The following MIIP variants were observed in gnomAD, a reference collection of about 807,000 sequenced individuals.
MIIP encodes migration and invasion-inhibitory protein.
A neutral mutation model predicts 44.8 loss-of-function variants in MIIP; 44 were observed. The ratio of observed to expected loss-of-function variants is 0.98; its 90% CI spans 0.77 to 1.26. The LOEUF (loss-of-function observed/expected upper bound fraction) is 1.26, where lower values mean the gene tolerates loss of function less well. MIIP is among the 50% of genes most tolerant of loss of function. The probability of loss-of-function intolerance (pLI) is 0.00; values close to 1 mark genes in which losing one functional copy is unlikely to be tolerated. For synonymous variants in MIIP, 225 were observed against 218.3 expected (o/e 1.03, Z -0.27); for missense variants, 496 against 511.7 (o/e 0.97, Z 0.30).
chr1:12,019,633 G>C (rs1014478393), intron 1 of MIIP, 81 bp downstream of exon 1: 2 of 152,348 alleles, frequency 1.3e-5, no homozygotes, highest in African/African-American at 2.4e-5. Context: ...AGGGGCTCGG[G>C]GGCCGCAGTG....
intron 8 of MIIP, among the ~76,000 whole-genome samples, chr1:12,030,731 C>T (rs1386848534): frequency 3.4e-5 from 5 of 148,326 alleles, no homozygotes; most frequent in African/African-American, 7.5e-5. Flanking sequence ...GCTGAGATCT[C>T]GCCACTGCAC....
In MIIP at chr1:12,031,296, C is replaced by A; in HGVS notation, c.973C>A (p.Pro325Thr). 1.2e-6 allele frequency: 2 copies of A among 1,613,956 alleles called. No individual in the cohort carries two copies. Among genetic ancestry groups the A allele is most frequent in the Non-Finnish European group, 1.7e-6 (2 of 1,179,900 alleles). The change falls in exon 9 of 10, where the codon CCG (proline) becomes ACG (threonine). Residue 325 changes from proline to threonine, a missense_variant. Physicochemically the swap from Pro to Thr is conservative, Grantham distance 38 (BLOSUM62 -1). Coordinates refer to ENST00000235332, the MANE Select transcript of MIIP (RefSeq NM_021933.4). ...CCTGCTGGGCTGGGACATTTTTCCT[C>A]CGAAGTCTGAGAAAAGCTCAGCCCC... Reference protein sequence around the residue: ...HCLLGWDIFPPKSEKSSAPRN... With the variant: ...HCLLGWDIFPTKSEKSSAPRN...
chr1:12,020,714 C>T (rs1639953419), intron 1 of MIIP, among the ~76,000 whole-genome samples: 1 of 151,936 alleles, frequency 6.6e-6, no homozygotes, highest in Admixed American at 6.6e-5. Context: ...GACGGAGTCT[C>T]ACCCTGTCGC....
At chr1:12,025,786 C>T (rs1476343739) in intron 4 of MIIP, among the ~76,000 whole-genome samples, 3 of 152,126 alleles carry the variant, frequency 2.0e-5, no homozygotes, top group South Asian at 2.1e-4. Flanking sequence ...TTGCAACCTC[C>T]GCTTCCTTGG....
intron 4 of MIIP, among the ~76,000 whole-genome samples, chr1:12,025,787 G>A (rs547377923): frequency 3.1e-4 from 47 of 152,088 alleles, no homozygotes; most frequent in African/African-American, 1.1e-3. Flanking sequence ...TGCAACCTCC[G>A]CTTCCTTGGT....
Position 12,030,117 on chromosome 1 carries a change from T to C in MIIP, c.935T>C (p.Leu312Pro), listed in dbSNP as rs1255584261. 1.2e-6 allele frequency: 2 copies of C among 1,612,408 alleles called. No homozygotes were observed. Among genetic ancestry groups the C allele is most frequent in the Non-Finnish European group, 1.7e-6 (2 of 1,179,904 alleles). Reference sequence around the variant, plus strand: ...TTTGACGCCTCTGACACACTGGCCCTGCCCCGGGTGAGCAGCCACGTGGGG... The same window carrying C: ...TTTGACGCCTCTGACACACTGGCCCCGCCCCGGGTGAGCAGCCACGTGGGG... ...KSFDASDTLA[L>P]PRHCLLGWDI... The change falls in exon 8 of 10, where the codon CTG becomes CCG. Residue 312 changes from leucine (L) to proline (P), a missense_variant. Transcript: ENST00000235332.
At chr1:12,023,381 C>CTTAT (rs71568382) in intron 4 of MIIP, among the ~76,000 whole-genome samples, 23,982 of 139,958 alleles carry the variant, frequency 0.17, 2,275 homozygotes, top group African/African-American at 0.19. Context: ...TCTTTGTTTT[C>CTTAT]TTATTTATTT....
rs759666120 is a variant in MIIP at position 12,022,230 on chromosome 1, C to G, written c.250C>G (p.Leu84Val). Residue 84 changes from leucine (L) to valine (V), a missense_variant, in exon 3 of 10, where the codon CTC (leucine) becomes GTC (valine). Transcript: ENST00000235332. ...CCCACCAGATGCCTGTCGAGGGGAC[C>G]TCCGTGATGTGGCCAGATCGGGGGT... ...WGPPDACRGD[L>V]RDVARSGVAS... is the part of the protein sequence containing the mutation. 1.9e-6 allele frequency: 3 copies of G among 1,613,072 alleles called. No homozygotes were observed. The highest frequency in any genetic ancestry group is 2.5e-6 in the Non-Finnish European group (3 of 1,179,546).
At chr1:12,026,988 A>G (rs929036691) in intron 4 of MIIP, among the ~76,000 whole-genome samples, 3 of 145,906 alleles carry the variant, frequency 2.1e-5, no homozygotes, top group Non-Finnish European at 4.5e-5. Context: ...TCTCTCCACT[A>G]CTATTCCTTT....
At chr1:12,027,523 G>T (rs1640129161) in intron 4 of MIIP, among the ~76,000 whole-genome samples, 1 of 152,084 alleles carries the variant, frequency 6.6e-6, no homozygotes, top group Non-Finnish European at 1.5e-5. Context: ...CATCTCTGTT[G>T]GTGCTCCTTC....
At chr1:12,029,936 T>C in intron 7 of MIIP, 42 bp downstream of exon 7, 1 of 1,610,058 alleles carries the variant, frequency 6.2e-7, no homozygotes, top group South Asian at 1.1e-5. Flanking sequence ...GGACAGAGCC[T>C]GAACCACTGG....
intron 9 of MIIP, 24 bp downstream of exon 9, chr1:12,031,427 C>G (rs770432521): frequency 1.1e-5 from 18 of 1,606,232 alleles, no homozygotes; most frequent in Non-Finnish European, 1.5e-5. Context: ...CGCATCCTAG[C>G]CTGGGGTGCC....
At chr1:12,023,586 G>GA (rs1553148616) in intron 4 of MIIP, among the ~76,000 whole-genome samples, 2 of 148,960 alleles carry the variant, frequency 1.3e-5, no homozygotes, top group Non-Finnish European at 3.0e-5. Flanking sequence ...TTGTATTTTT[G>GA]TTTTTTTTAG....
intron 6 of MIIP, 125 bp from the exon 7 acceptor site, chr1:12,029,635 GGAAAT>G: frequency 7.6e-7 from 1 of 1,319,516 alleles, no homozygotes; most frequent in Non-Finnish European, 1.0e-6. Flanking sequence ...GGGGTTAGGA[GGAAAT>G]GGGCCGAAGG....
At chr1:12,027,357 A>G (rs758287355) in intron 4 of MIIP, among the ~76,000 whole-genome samples, 3 of 152,106 alleles carry the variant, frequency 2.0e-5, no homozygotes, top group African/African-American at 4.8e-5. Flanking sequence ...CATTTCATCA[A>G]CATGGCCCTC....
chr1:12,022,356 G>A lies in MIIP; in HGVS notation c.376G>A (p.Glu126Lys), dbSNP rs1216032329. 6.2e-6 allele frequency: 10 copies of A among 1,613,598 alleles called. No individual in the cohort carries two copies. Among genetic ancestry groups the A allele is most frequent in the Non-Finnish European group, 8.5e-6 (10 of 1,179,968 alleles). ...GGGCACCTCAAGCCTGAGGGACCCA[G>A]AGCCCTCAGGGAGGCTGGGTGATCC... Reference protein sequence around the residue: ...SLGTSSLRDPEPSGRLGDPGP... With the variant: ...SLGTSSLRDPKPSGRLGDPGP... The change falls in exon 3 of 10, where the codon GAG becomes AAG. Residue 126 changes from glutamate (E) to lysine (K), a missense_variant. Glu to Lys is a moderately conservative substitution (Grantham distance 56). Coordinates refer to ENST00000235332, the MANE Select transcript of MIIP (RefSeq NM_021933.4).
At chr1:12,022,042 C>T (rs562032519) in intron 2 of MIIP, 53 bp from the exon 3 acceptor site, 448 of 1,569,980 alleles carry the variant, frequency 2.9e-4, no homozygotes, top group Admixed American at 1.7e-3. Flanking sequence ...GGCGTAGGCC[C>T]GGTGGGTAGG....
intron 4 of MIIP, among the ~76,000 whole-genome samples, chr1:12,028,162 G>A (rs903691461): frequency 1.3e-5 from 2 of 152,140 alleles, no homozygotes; most frequent in Non-Finnish European, 1.5e-5. Flanking sequence ...AGCCGAGGTC[G>A]CTCCACTGCA....
chr1:12,027,717 T>C (rs1022096866), intron 4 of MIIP, among the ~76,000 whole-genome samples: 4 of 152,172 alleles, frequency 2.6e-5, no homozygotes, highest in African/African-American at 9.7e-5. Context: ...ATTCCAGACT[T>C]GTATATCCCA....
Sources: gnomAD v4.1 joint callset for allele counts (sites outside exome capture counted in the v4.1 genomes callset) on GRCh38, gnomAD v4.1.1 for gene constraint, MANE v1.5 for transcripts, NCBI Gene and HGNC (gene_info 2026-07-23, HGNC 2026-07-21) for gene names.